SLC16A2: variants seen among roughly 807,000 people sequenced by gnomAD.
SLC16A2 encodes the protein monocarboxylate transporter 8.
In SLC16A2, 3 loss-of-function variants were observed where a neutral mutation model predicts 27.2. The ratio of observed to expected loss-of-function variants is 0.11; its 90% CI spans 0.05 to 0.28. The LOEUF is 0.28. Ranked by LOEUF, SLC16A2 falls within the 10% of genes least tolerant of loss-of-function variation. The pLI, the probability that SLC16A2 is intolerant of heterozygous loss-of-function variation, is 1.00. For missense variants in SLC16A2, 295 were observed against 458.5 expected (o/e 0.64, Z 3.26); for synonymous variants, 202 against 187.8 (o/e 1.08, Z -0.62).
intron 1 of SLC16A2, among the ~76,000 whole-genome samples, chrX:74,492,460 A>G (rs2147859921): frequency 9.0e-6 from 1 of 110,814 alleles, no homozygotes; most frequent in African/African-American, 3.3e-5. Context: ...TAGAGTTAGA[A>G]TCCCAGGACC....
At chrX:74,521,382 G>T (rs1292252921) in intron 2 of SLC16A2, among the ~76,000 whole-genome samples, 2 of 112,235 alleles carry the variant, frequency 1.8e-5, no homozygotes, top group East Asian at 5.6e-4. Context: ...TCTAAGCCTG[G>T]TAGTTCGTAG....
At chrX:74,517,655 T>C (rs1930337187) in intron 1 of SLC16A2, among the ~76,000 whole-genome samples, 1 of 111,768 alleles carries the variant, frequency 8.9e-6, no homozygotes, top group Non-Finnish European at 1.9e-5. Flanking sequence ...TTTTACATGC[T>C]CAGTTCTATG....
intron 1 of SLC16A2, among the ~76,000 whole-genome samples, chrX:74,446,649 C>T (rs749289678): frequency 1.0e-5 from 1 of 100,269 alleles, no homozygotes; most frequent in Non-Finnish European, 2.0e-5. Flanking sequence ...ACAAACAAAA[C>T]AACCAAACAA....
intron 1 of SLC16A2, among the ~76,000 whole-genome samples, chrX:74,477,611 G>A (rs962137395): frequency 1.8e-5 from 2 of 111,573 alleles, no homozygotes; most frequent in African/African-American, 6.5e-5. Flanking sequence ...TTCTCTTGTG[G>A]GCAGTTAGTG....
chrX:74,517,867 G>A (rs1160756882), intron 1 of SLC16A2, among the ~76,000 whole-genome samples: 4 of 111,728 alleles, frequency 3.6e-5, no homozygotes, highest in African/African-American at 1.3e-4. Flanking sequence ...GTCTTTTCTC[G>A]AATTTCCTGT....
intron 1 of SLC16A2, among the ~76,000 whole-genome samples, chrX:74,502,765 G>A (rs765787578): frequency 3.3e-4 from 37 of 111,490 alleles, no homozygotes; most frequent in African/African-American, 1.1e-3. Context: ...TCCCCACAAC[G>A]GACCCTGACA....
intron 1 of SLC16A2, among the ~76,000 whole-genome samples, chrX:74,497,100 G>T (rs1230737447): frequency 8.9e-6 from 1 of 111,911 alleles, no homozygotes; most frequent in Non-Finnish European, 1.9e-5. Context: ...CACAGGATGG[G>T]GGTGTGGCAG....
chrX:74,475,292 C>T (rs766271561), intron 1 of SLC16A2, among the ~76,000 whole-genome samples: 1,253 of 107,829 alleles, frequency 0.012, 60 homozygotes, highest in Admixed American at 0.11. Context: ...TGAGAAGTGT[C>T]TGTTCATATC....
chrX:74,523,956 GCCA>G (rs772696708), intron 2 of SLC16A2, among the ~76,000 whole-genome samples: 2 of 111,578 alleles, frequency 1.8e-5, no homozygotes, highest in Non-Finnish European at 3.8e-5. Flanking sequence ...TAAAAGCTTT[GCCA>G]CCACCAATAG....
chrX:74,426,789 G>A (rs1026862339), intron 1 of SLC16A2, among the ~76,000 whole-genome samples: 3 of 112,537 alleles, frequency 2.7e-5, no homozygotes, highest in East Asian at 2.8e-4. Context: ...ATAAAAGTTC[G>A]TTAAGCTGCC....
intron 1 of SLC16A2, among the ~76,000 whole-genome samples, chrX:74,517,604 G>T (rs1930336082): frequency 9.0e-6 from 1 of 111,425 alleles, no homozygotes; most frequent in South Asian, 3.7e-4. Flanking sequence ...AATAACATCA[G>T]ATTTATTGAG....
At chrX:74,444,641 G>T (rs1168682837) in intron 1 of SLC16A2, among the ~76,000 whole-genome samples, 1 of 112,176 alleles carries the variant, frequency 8.9e-6, no homozygotes, top group African/African-American at 3.2e-5. Flanking sequence ...GGGTTAAATG[G>T]GAAAAATATA....
intron 1 of SLC16A2, among the ~76,000 whole-genome samples, chrX:74,506,590 AAG>A (rs1216984286): frequency 1.8e-5 from 2 of 111,093 alleles, no homozygotes; most frequent in Non-Finnish European, 3.8e-5. Context: ...TTAATGTCTA[AAG>A]AGAGAGAGAG....
At chrX:74,429,552 T>C (rs1239949546) in intron 1 of SLC16A2, among the ~76,000 whole-genome samples, 1 of 111,062 alleles carries the variant, frequency 9.0e-6, no homozygotes, top group Non-Finnish European at 1.9e-5. Context: ...TGCTTTTACA[T>C]GGCTGAAGGG....
chrX:74,472,255 T>C lies in SLC16A2; in HGVS notation c.431-48735T>C, dbSNP rs142122337. 3.5e-3 allele frequency among the ~76,000 whole-genome samples: 391 copies of C among 112,094 alleles called. 2 individuals carry two copies. The highest frequency in any genetic ancestry group is 0.012 in the African/African-American group (378 of 30,904). ...CTAGTGTTTTTTTGTTGCTTGTGCT[T>C]TTAAAATTATTTCTAAAAACTATTG... On this transcript the variant is annotated intron_variant, in intron 1 of 5. Transcript: ENST00000587091.
At chrX:74,429,661 G>C (rs1348993521) in intron 1 of SLC16A2, among the ~76,000 whole-genome samples, 1 of 111,787 alleles carries the variant, frequency 8.9e-6, no homozygotes, top group Non-Finnish European at 1.9e-5. Context: ...ATCCAGACTG[G>C]AAGGATATAT....
chrX:74,474,768 T>C (rs1315559228), intron 1 of SLC16A2, among the ~76,000 whole-genome samples: 1 of 110,790 alleles, frequency 9.0e-6, no homozygotes, highest in Non-Finnish European at 1.9e-5. Context: ...CTGAGAATGA[T>C]GGTTTTCAGC....
At chrX:74,479,795 A>G (rs1479848554) in intron 1 of SLC16A2, among the ~76,000 whole-genome samples, 1 of 111,822 alleles carries the variant, frequency 8.9e-6, no homozygotes, top group African/African-American at 3.3e-5. Flanking sequence ...GCTGCAGAAC[A>G]ATGGATATTG....
intron 1 of SLC16A2, among the ~76,000 whole-genome samples, chrX:74,487,722 A>T (rs1929747038): frequency 1.8e-5 from 2 of 112,047 alleles, no homozygotes; most frequent in African/African-American, 6.5e-5. Flanking sequence ...TTTAAAAGTT[A>T]CTTGGTTTTG....
Sources: allele counts gnomAD v4.1 joint callset (sites outside exome capture counted in the v4.1 genomes callset), GRCh38; gene constraint gnomAD v4.1.1; transcripts MANE v1.5; gene names NCBI Gene and HGNC (gene_info 2026-07-23, HGNC 2026-07-21).